Variants in PKD1 observed in about 807,000 individuals in gnomAD.
PKD1 encodes the protein polycystin 1, transient receptor potential channel interacting.
Under a neutral mutation model 361.7 loss-of-function variants are expected in PKD1, and 81 were observed. The observed-to-expected ratio is 0.22, with a 90% CI of 0.19 to 0.27. PKD1 has a LOEUF of 0.27. PKD1 is among the 10% of genes least tolerant of loss of function. PKD1 has a pLI of 1.00. For missense variants in PKD1, 6,399 were observed against 6,118.3 expected, an observed-to-expected ratio of 1.05 and a Z score of -1.53; for synonymous variants, 3,615 against 2,818.3, an observed-to-expected ratio of 1.28 and a Z score of -8.95.
Position 2,088,854 on chromosome 16 carries a change from A to G in PKD1, c.*873T>C. On this transcript the variant is annotated 3_prime_UTR_variant, in exon 46 of 46. Coordinates refer to ENST00000262304, the MANE Select transcript of PKD1 (RefSeq NM_001009944.3). ...CGAGGGCCTTGAGGCTGCCTGGGCC[A>G]TACAGCACACTCGCGCGTGCGCGCG... 1.7e-6 allele frequency: 1 copy of G among 574,612 alleles called. No homozygotes were observed. Among genetic ancestry groups the G allele is most frequent in the Non-Finnish European group, 3.1e-6 (1 of 323,648 alleles). The allele number at this position is 574,612 out of a possible 1,614,324, so 35.6% of individuals were successfully genotyped here. A position where few individuals can be genotyped will look rare whatever the true frequency, so the allele number is the denominator to read the frequency against.
rs765009165 is a variant in PKD1, at chr16:2,106,407, C to T, written c.7480G>A (p.Glu2494Lys). 1.5e-4 allele frequency: 234 copies of T among 1,589,366 alleles called. No individual in the cohort carries two copies. The highest frequency in any genetic ancestry group is 5.7e-4 in the East Asian group (25 of 43,742). Residue 2494 changes from glutamate to lysine, a missense_variant, in exon 18 of 46, where the codon GAA (glutamate) becomes AAA (lysine). Glu to Lys is a moderately conservative substitution (Grantham distance 56). Coordinates refer to ENST00000262304, the MANE Select transcript of PKD1 (RefSeq NM_001009944.3). This position sits in a 1 kb window ranked among gnomAD's most constrained non-coding sequence, Gnocchi z 6.5. ...GCAGGCCTGCACTCACCCGTGCATT[C>T]GAAGTGCACCTTGGTGGTGAGGGCG... ...VHALTTKVHF[E>K]CTGWHDAEDA...
In PKD1 at chr16:2,120,886, G is replaced by A. The variant is rs947282804; in HGVS notation, c.216-1508C>T. Among the ~76,000 whole-genome samples, 5 of 152,160 alleles carry A rather than the reference G, an allele frequency of 3.3e-5. No homozygotes were observed. The South Asian group carries it at 6.2e-4, about 19-fold the overall frequency. On this transcript the variant is annotated intron_variant, in intron 1 of 45. Coordinates refer to ENST00000262304, the MANE Select transcript of PKD1 (RefSeq NM_001009944.3). ...GCAAAAATTAGCCGGGCATGGCGGC[G>A]GGAGCCTGTAGTGCCAGCCACTCAG...
chr16:2,107,938 G>T lies in PKD1; in HGVS notation c.7010C>A (p.Thr2337Asn), dbSNP rs1060499713. The T allele has an allele frequency of 6.5e-7, 1 of 1,546,480 alleles. No homozygotes were observed. The highest frequency in any genetic ancestry group is 1.4e-5 in the African/African-American group (1 of 73,112). ...GGCCTTCCACACGGTCAGGCTGAAG[G>T]TGTACTCCACGCCAGCCGCCAGCCG... ...RERLAAGVEY[T>N]FSLTVWKAGR... Residue 2337 changes from threonine to asparagine, a missense_variant, in exon 16 of 46, where the codon ACC (threonine) becomes AAC (asparagine). Thr to Asn is a moderately conservative substitution (Grantham distance 65). Coordinates refer to ENST00000262304, the MANE Select transcript of PKD1 (RefSeq NM_001009944.3).
In PKD1 at chr16:2,089,718, G is replaced by GA; in HGVS notation, c.*8dup. On this transcript the variant is annotated 3_prime_UTR_variant, in exon 46 of 46. Transcript: ENST00000262304. ...CGACTCCACGGCCCACCCCCGCCAG[G>GA]AAGGAGGACTAAGTGCTGCTGGGGT... is the stretch of plus-strand genomic sequence containing the variant. 1 of 1,574,418 alleles carries GA rather than the reference G, an allele frequency of 6.4e-7. No individual in the cohort carries two copies. Among genetic ancestry groups the GA allele is most frequent in the Non-Finnish European group, 8.6e-7 (1 of 1,161,512 alleles).
At chr16:2,133,196 C>A (rs1224184965) in intron 1 of PKD1, 1 of 150,610 alleles carries the variant, frequency 6.6e-6, no homozygotes, top group Non-Finnish European at 1.5e-5. Context: ...GCTCTGCCCA[C>A]GTCTCCCCAC....
At position 2,099,638 on chromosome 16, in the gene PKD1, G is replaced by A. The variant is rs770547479; in HGVS notation, c.10050+6C>T. The A allele has an allele frequency of 6.3e-7, 1 of 1,588,542 alleles. No individual in the cohort carries two copies. Among genetic ancestry groups the A allele is most frequent in the Non-Finnish European group, 8.5e-7 (1 of 1,175,922 alleles). ...CAGTACTCCCGGGTCCCCAGCCCCAGCCCACCTTGCTCCGGGACATCCGGA... is the reference window on the plus strand; with the variant it reads ...CAGTACTCCCGGGTCCCCAGCCCCAACCCACCTTGCTCCGGGACATCCGGA... On this transcript the variant is annotated splice_donor_region_variant and intron_variant, in intron 30 of 45. Coordinates refer to ENST00000262304, the MANE Select transcript of PKD1 (RefSeq NM_001009944.3).
intron 1 of PKD1, among the ~76,000 whole-genome samples, chr16:2,129,509 T>G (rs116032955): frequency 3.3e-5 from 5 of 151,512 alleles, no homozygotes; most frequent in African/African-American, 9.7e-5. Context: ...TCTGTGCGTC[T>G]TCTTTGGAGA....
rs893251835 is a variant in PKD1, at chr16:2,116,864, C to T, written c.1575G>A (p.Pro525=). The change falls in exon 7 of 46, where the codon CCG becomes CCA. Residue 525 remains proline (P), a synonymous_variant. Transcript: ENST00000262304. Reference sequence around the variant, plus strand: ...GCTGCAGCTCGCAGACGTAGCTGTGCGGCGCTGAGCACAGGTCGGTGTTAC... The same window carrying T: ...GCTGCAGCTCGCAGACGTAGCTGTGTGGCGCTGAGCACAGGTCGGTGTTAC... ...GWCNTDLCSA[P]HSYVCELQPG... 13 of 1,529,556 alleles carry T rather than the reference C, an allele frequency of 8.5e-6. No homozygotes were observed. Among genetic ancestry groups the T allele is most frequent in the South Asian group, 4.7e-5 (4 of 84,304 alleles). The allele number at this position is 1,529,556 out of a possible 1,614,324, so 94.7% of individuals were successfully genotyped here.
rs750468756 is a variant in PKD1, at chr16:2,111,527, C to T, written c.3640G>A (p.Gly1214Arg). 3.1e-6 allele frequency: 5 copies of T among 1,606,424 alleles called. No individual in the cohort carries two copies. The South Asian group carries it at 3.3e-5, about 11-fold the overall frequency. Residue 1214 changes from glycine to arginine, a missense_variant, in exon 15 of 46, where the codon GGA (glycine) becomes AGA (arginine). Gly to Arg is a moderately radical substitution (Grantham distance 125). Transcript: ENST00000262304. ...ADVRVFEELR[G>R]LSVDMSLAVE... ...GCCAGGCTCATGTCCACGCTGAGTC[C>T]GCGGAGCTCCTCAAAGACGCGCACA...
chr16:2,098,411 T>A (rs2091940466), intron 30 of PKD1, among the ~76,000 whole-genome samples: 1 of 150,618 alleles, frequency 6.6e-6, no homozygotes. Context: ...GGTTTCACTG[T>A]GTTGGCCAGG....
intron 13 of PKD1, 143 bp downstream of exon 13, chr16:2,112,645 C>T (rs1335865295): frequency 9.2e-7 from 1 of 1,083,288 alleles, no homozygotes; most frequent in Non-Finnish European, 1.4e-6. Flanking sequence ...AGCCTCAGGG[C>T]TCCTGTGCAC....
rs1050876511 is a variant in PKD1 at position 2,090,366 on chromosome 16, G to C, written c.12363C>G (p.Ala4121=). 1.2e-6 allele frequency: 2 copies of C among 1,612,644 alleles called. No individual in the cohort carries two copies. Among genetic ancestry groups the C allele is most frequent in the Non-Finnish European group, 1.7e-6 (2 of 1,179,910 alleles). The change falls in exon 45 of 46, where the codon GCC becomes GCG. Residue 4121 remains alanine, a synonymous_variant. Transcript: ENST00000262304. The stretch of plus-strand genomic sequence containing the variant: ...CCATCTCGTAGTCCTGGGGCTCCCA[G>C]GCCGGCCGGTACAGCTCTCCACGCA... ...HALRGELYRP[A]WEPQDYEMVE... is the part of the protein sequence containing the mutation.
In PKD1 at chr16:2,103,488, C is replaced by T. The variant is rs765614148; in HGVS notation, c.8569G>A (p.Ala2857Thr). The change falls in exon 23 of 46, where the codon GCC becomes ACC. Residue 2857 changes from alanine (A) to threonine (T), a missense_variant. Transcript: ENST00000262304. ...CGCTCGATGGGGATCTGGGCGCCGG[C>T]CTGTGTCTGGAATGCCATCGAGGCC... is the stretch of plus-strand genomic sequence containing the variant. ...KVASMAFQTQ[A>T]GAQIPIERLA... 18 of 1,602,726 alleles carry T rather than the reference C, an allele frequency of 1.1e-5. No individual in the cohort carries two copies. The highest frequency in any genetic ancestry group is 1.5e-5 in the Non-Finnish European group (18 of 1,179,700).
intron 32 of PKD1, 83 bp from the exon 33 acceptor site, chr16:2,097,586 T>C: frequency 6.2e-7 from 1 of 1,608,386 alleles, no homozygotes; most frequent in Non-Finnish European, 8.5e-7. Flanking sequence ...ACGGACACCC[T>C]GGGCTTCCGA....
At chr16:2,115,783 C>T (rs2092622882) in intron 9 of PKD1, among the ~76,000 whole-genome samples, 158 bp from the exon 10 acceptor site, 2 of 152,184 alleles carry the variant, frequency 1.3e-5, no homozygotes, top group African/African-American at 2.4e-5. Flanking sequence ...TCCGGCCAGC[C>T]GACTGACCCA....
At position 2,114,936 on chromosome 16, in the gene PKD1, G is replaced by A. The variant is rs368995660; in HGVS notation, c.2098-11C>T. The A allele has an allele frequency of 3.9e-6, 6 of 1,529,434 alleles. No individual in the cohort carries two copies. Among genetic ancestry groups the A allele is most frequent in the Non-Finnish European group, 5.3e-6 (6 of 1,141,892 alleles). 94.7% of individuals were successfully genotyped at this position (1,529,434 alleles called of 1,614,324 possible). Reference sequence around the variant, plus strand: ...GCCGTGGAGGGTGACCTGTGGAGAGGGAGGCAGGGCTGCATCACGTCCTCA... The same window carrying A: ...GCCGTGGAGGGTGACCTGTGGAGAGAGAGGCAGGGCTGCATCACGTCCTCA... On this transcript the variant is annotated splice_polypyrimidine_tract_variant and intron_variant, in intron 10 of 45. Transcript: ENST00000262304.
At chr16:2,091,265 AG>A (rs1176798369) in intron 42 of PKD1, 91 bp from the exon 43 acceptor site, 1 of 346,174 alleles carries the variant, frequency 2.9e-6, no homozygotes, top group Non-Finnish European at 4.1e-6. Flanking sequence ...GGGCCCTACG[AG>A]GGGGCGGGAC....
chr16:2,095,348 C>A (rs897577033), intron 34 of PKD1: 1 of 152,130 alleles, frequency 6.6e-6, no homozygotes, highest in Non-Finnish European at 1.5e-5. Context: ...GGGAGGCAGA[C>A]TTTGCAGTGA....
chr16:2,104,239 AG>A (rs1476238430), intron 22 of PKD1, among the ~76,000 whole-genome samples: 2 of 33,026 alleles, frequency 6.1e-5, no homozygotes, highest in Non-Finnish European at 1.1e-4. Flanking sequence ...GAGGAAGATG[AG>A]GGGAATGGAC....
Sources: gnomAD v4.1 joint callset for allele counts (sites outside exome capture counted in the v4.1 genomes callset) on GRCh38, gnomAD v4.1.1 for gene constraint, Gnocchi (gnomAD v3.1) non-coding constraint, MANE v1.5 for transcripts, NCBI Gene and HGNC (gene_info 2026-07-23, HGNC 2026-07-21) for gene names.